The following PTPRZ1 variants were observed in gnomAD, a reference collection of about 807,000 sequenced individuals.
PTPRZ1 encodes the protein receptor-type tyrosine-protein phosphatase zeta.
PTPRZ1 carries 82 observed loss-of-function variants against 214.1 expected under a neutral mutation model. The ratio of observed to expected loss-of-function variants is 0.38; its 90% CI spans 0.32 to 0.46. The LOEUF (loss-of-function observed/expected upper bound fraction) is 0.46. Ranked by LOEUF, PTPRZ1 falls within the 20% of genes least tolerant of loss-of-function variation. The pLI is 1.00. For synonymous variants in PTPRZ1, 945 were observed against 987.9 expected, an observed-to-expected ratio of 0.96 and a Z score of 0.81; for missense variants, 2,603 against 2,748.7, an observed-to-expected ratio of 0.95 and a Z score of 1.19.
At chr7:122,056,137 A>C (rs1027973058) in intron 27 of PTPRZ1, among the ~76,000 whole-genome samples, 1 of 151,844 alleles carries the variant, frequency 6.6e-6, no homozygotes, top group Non-Finnish European at 1.5e-5. Flanking sequence ...AGTAGCATCC[A>C]TTTAGATCTG....
chr7:121,918,772 A>G (rs1022423748), intron 1 of PTPRZ1, among the ~76,000 whole-genome samples: 5 of 152,006 alleles, frequency 3.3e-5, no homozygotes, highest in Admixed American at 6.6e-5. Context: ...GGCACCACAT[A>G]AATTTACATT....
Position 121,976,262 on chromosome 7 carries a change from G to A in PTPRZ1, c.546G>A (p.Leu182=), listed in dbSNP as rs1797431076. The change falls in exon 5 of 30, where the codon TTG becomes TTA. Residue 182 remains leucine (L), a synonymous_variant. Transcript: ENST00000393386. ...GGAAGTTAAGAGCTTTATCCATTTT[G>A]TTTGAGGTAATATATATACACTTTA... ...GKGKLRALSI[L]FEVGTEENLD... The A allele has an allele frequency of 6.3e-7, 1 of 1,593,022 alleles. No homozygotes were observed. The highest frequency in any genetic ancestry group is 8.6e-7 in the Non-Finnish European group (1 of 1,163,258).
intron 8 of PTPRZ1, among the ~76,000 whole-genome samples, chr7:121,992,431 A>G (rs1442789553): frequency 3.3e-5 from 5 of 152,206 alleles, no homozygotes; most frequent in Non-Finnish European, 7.3e-5. Context: ...CCGGTTCCAC[A>G]GATCACATCC....
chr7:121,998,894 T>G (rs995641442), intron 10 of PTPRZ1, among the ~76,000 whole-genome samples: 2 of 152,192 alleles, frequency 1.3e-5, no homozygotes, highest in African/African-American at 2.4e-5. Context: ...CAAATTATAT[T>G]AATTATAGCC....
intron 2 of PTPRZ1, among the ~76,000 whole-genome samples, chr7:121,934,627 C>G (rs144226325): frequency 6.6e-6 from 1 of 151,366 alleles, no homozygotes; most frequent in Non-Finnish European, 1.5e-5. Flanking sequence ...TGAGCAAGTA[C>G]ATTATGAATC....
At chr7:122,001,435 G>A (rs1340913002) in intron 10 of PTPRZ1, among the ~76,000 whole-genome samples, 1 of 152,144 alleles carries the variant, frequency 6.6e-6, no homozygotes, top group East Asian at 1.9e-4. Flanking sequence ...AATTATATGT[G>A]TTAGATTTAA....
chr7:121,880,896 G>A (rs572596482), intron 1 of PTPRZ1, among the ~76,000 whole-genome samples: 1 of 152,274 alleles, frequency 6.6e-6, no homozygotes, highest in East Asian at 1.9e-4. Flanking sequence ...TACCCTTGAG[G>A]AGCATGTGGG....
chr7:121,879,545 G>T lies in PTPRZ1; in HGVS notation c.58+5988G>T, dbSNP rs1246156668. ...ATGGGAAGTGCAGTTTTATCATGTG[G>T]ATGTACGTGCTTTTGGAGTTTGTCA... is the stretch of plus-strand genomic sequence containing the variant. On this transcript the variant is annotated intron_variant, in intron 1 of 29. Coordinates refer to ENST00000393386, the MANE Select transcript of PTPRZ1 (RefSeq NM_002851.3). 4.6e-5 allele frequency among the ~76,000 whole-genome samples: 7 copies of T among 152,264 alleles called. No homozygotes were observed. In the South Asian group the frequency reaches 8.3e-4, roughly 18 times the overall value.
intron 23 of PTPRZ1, among the ~76,000 whole-genome samples, chr7:122,046,114 G>A (rs1269135713): frequency 1.3e-5 from 2 of 152,164 alleles, no homozygotes; most frequent in Non-Finnish European, 2.9e-5. Context: ...TATGGTGCCT[G>A]CAGTCTATTA....
At chr7:122,054,854 G>A (rs116686697) in intron 26 of PTPRZ1, 87 bp from the exon 27 acceptor site, 6 of 1,318,518 alleles carry the variant, frequency 4.6e-6, no homozygotes, top group African/African-American at 1.5e-5. Context: ...TGAAATTTCT[G>A]TGCCAACCAA....
rs114313874 is a variant in PTPRZ1 at position 121,880,655 on chromosome 7, A to T, written c.58+7098A>T. On this transcript the variant is annotated intron_variant, in intron 1 of 29. Coordinates refer to ENST00000393386, the MANE Select transcript of PTPRZ1 (RefSeq NM_002851.3). ...CTTTAAGCAGAGATCATGGTAATAA[A>T]CAGAGTCTTGATTACATGCTTAGAA... is the stretch of plus-strand genomic sequence containing the variant. Among the ~76,000 whole-genome samples the T allele has an allele frequency of 6.6e-5, 10 of 152,324 alleles. 1 individual carries two copies. Among genetic ancestry groups the T allele is most frequent in the African/African-American group, 2.4e-4 (10 of 41,568 alleles).
In PTPRZ1 at chr7:122,019,111, T is replaced by C. The variant is rs1320904085; in HGVS notation, c.4844-13T>C. On this transcript the variant is annotated splice_polypyrimidine_tract_variant and intron_variant, in intron 12 of 29. Transcript: ENST00000393386. ...CCTTAAATATCAATTCTCTCAATTTTCTCTGACTACAGAGGCCAGTAATAG... is the reference window on the plus strand; with the variant it reads ...CCTTAAATATCAATTCTCTCAATTTCCTCTGACTACAGAGGCCAGTAATAG... 1 of 1,588,648 alleles carries C rather than the reference T, an allele frequency of 6.3e-7. No homozygotes were observed. Among genetic ancestry groups the C allele is most frequent in the Non-Finnish European group, 8.6e-7 (1 of 1,166,728 alleles).
intron 1 of PTPRZ1, among the ~76,000 whole-genome samples, chr7:121,903,635 C>T (rs1795032886): frequency 6.6e-6 from 1 of 152,118 alleles, no homozygotes; most frequent in Non-Finnish European, 1.5e-5. Context: ...CTTTTCTATC[C>T]TGCAATGGCA....
intron 2 of PTPRZ1, among the ~76,000 whole-genome samples, chr7:121,960,859 G>C (rs1470896972): frequency 2.0e-5 from 3 of 151,668 alleles, no homozygotes; most frequent in Non-Finnish European, 2.9e-5. Context: ...TTTAAGGTAT[G>C]TTTCTATCTG....
intron 2 of PTPRZ1, chr7:121,966,881 T>C (rs1797060855): frequency 6.6e-6 from 1 of 152,130 alleles, no homozygotes; most frequent in Non-Finnish European, 1.5e-5. Flanking sequence ...TAAACCTCAA[T>C]CATGTAAAAT....
At chr7:122,047,391 G>A (rs538378917) in intron 23 of PTPRZ1, among the ~76,000 whole-genome samples, 71 of 152,210 alleles carry the variant, frequency 4.7e-4, no homozygotes, top group South Asian at 1.0e-3. Flanking sequence ...TGAGACATGA[G>A]AGCTTCTTTA....
intron 1 of PTPRZ1, among the ~76,000 whole-genome samples, chr7:121,912,011 G>A (rs1011304604): frequency 3.9e-5 from 6 of 151,954 alleles, no homozygotes; most frequent in African/African-American, 1.2e-4. Flanking sequence ...TGTTATATTT[G>A]AAATAAAAAA....
intron 17 of PTPRZ1, among the ~76,000 whole-genome samples, chr7:122,036,126 T>C (rs1414270211): frequency 6.6e-6 from 1 of 152,188 alleles, no homozygotes; most frequent in Non-Finnish European, 1.5e-5. Flanking sequence ...CTTTCTTCTC[T>C]ATCTCTTCTT....
chr7:121,894,186 C>T (rs1794719938), intron 1 of PTPRZ1, among the ~76,000 whole-genome samples: 1 of 152,158 alleles, frequency 6.6e-6, no homozygotes, highest in Non-Finnish European at 1.5e-5. Context: ...GTTGGTGCTC[C>T]TGTCAGCAGT....
Sources: gnomAD v4.1 joint callset for allele counts (sites outside exome capture counted in the v4.1 genomes callset) on GRCh38, gnomAD v4.1.1 for gene constraint, MANE v1.5 for transcripts, NCBI Gene and HGNC (gene_info 2026-07-23, HGNC 2026-07-21) for gene names.